The following CTIF variants were observed in gnomAD, a reference collection of about 807,000 sequenced individuals.
The protein encoded by CTIF is cap binding complex dependent translation initiation factor.
Under a neutral mutation model 66.0 loss-of-function variants are expected in CTIF, and 21 were observed. The observed-to-expected ratio is 0.32, with a 90% confidence interval of 0.23 to 0.46. The LOEUF (loss-of-function observed/expected upper bound fraction) is 0.46, where lower values mean the gene tolerates loss of function less well. CTIF is among the 20% of genes least tolerant of loss of function. The probability of loss-of-function intolerance (pLI) is 1.00; values close to 1 mark genes in which losing one functional copy is unlikely to be tolerated. For missense variants in CTIF, 739 were observed against 812.7 expected (o/e 0.91, Z 1.10); for synonymous variants, 345 against 326.4 (o/e 1.06, Z -0.62).
intron 9 of CTIF, among the ~76,000 whole-genome samples, chr18:48,802,522 C>G (rs533447535): frequency 7.2e-5 from 11 of 152,314 alleles, no homozygotes; most frequent in Non-Finnish European, 1.5e-4. Context: ...GATCAGAGAC[C>G]TGGGTTCCAG....
intron 6 of CTIF, among the ~76,000 whole-genome samples, chr18:48,681,930 C>T (rs113179719): frequency 0.046 from 7,071 of 152,164 alleles, 205 homozygotes; most frequent in Non-Finnish European, 0.062. Flanking sequence ...GGATTACAGG[C>T]GCGTGCCACC....
chr18:48,561,529 T>G lies in CTIF; in HGVS notation c.-29+22217T>G, dbSNP rs371965425. 2.6e-5 allele frequency among the ~76,000 whole-genome samples: 4 copies of G among 152,174 alleles called. No individual in the cohort carries two copies. In the East Asian group the frequency reaches 5.8e-4, roughly 22 times the overall value. On this transcript the variant is annotated intron_variant, in intron 1 of 11. Coordinates refer to ENST00000256413, the MANE Select transcript of CTIF (RefSeq NM_014772.3). ...GACCCTTCTCAGAGAAACTCCACTGTGGCAAGACCCTGTGCTGGCTGCTGG... is the reference window on the plus strand; with the variant it reads ...GACCCTTCTCAGAGAAACTCCACTGGGGCAAGACCCTGTGCTGGCTGCTGG...
intron 6 of CTIF, among the ~76,000 whole-genome samples, chr18:48,673,306 C>G (rs1488061628): frequency 6.6e-6 from 1 of 152,080 alleles, no homozygotes; most frequent in Non-Finnish European, 1.5e-5. Flanking sequence ...ACAAGAAAGG[C>G]AGGATTTGTG....
intron 10 of CTIF, among the ~76,000 whole-genome samples, chr18:48,840,660 C>T (rs965186897): frequency 6.6e-6 from 1 of 152,170 alleles, no homozygotes; most frequent in African/African-American, 2.4e-5. Flanking sequence ...GGTGGCTGCT[C>T]CTCTGAGCAC....
intron 2 of CTIF, among the ~76,000 whole-genome samples, chr18:48,634,225 G>A (rs2144601227): frequency 6.6e-6 from 1 of 152,282 alleles, no homozygotes; most frequent in South Asian, 2.1e-4. Flanking sequence ...GAAGTGATGT[G>A]CCCGTCTCGA....
chr18:48,738,219 C>T (rs1161201086), intron 7 of CTIF, among the ~76,000 whole-genome samples: 1 of 152,250 alleles, frequency 6.6e-6, no homozygotes, highest in African/African-American at 2.4e-5. Flanking sequence ...GATCCAGGAT[C>T]TCCACCTCTT....
chr18:48,573,475 G>T (rs1474047114), intron 1 of CTIF, among the ~76,000 whole-genome samples: 1 of 152,222 alleles, frequency 6.6e-6, no homozygotes, highest in East Asian at 1.9e-4. Context: ...CATGTGTAAT[G>T]TTGCACTGAT....
At chr18:48,844,167 A>T (rs1213828927) in intron 10 of CTIF, among the ~76,000 whole-genome samples, 1 of 152,220 alleles carries the variant, frequency 6.6e-6, no homozygotes, top group Admixed American at 6.5e-5. Context: ...GGGGGCAGTG[A>T]GCACAGAAGA....
At chr18:48,659,610 T>A (rs1167184199) in intron 3 of CTIF, among the ~76,000 whole-genome samples, 1 of 152,182 alleles carries the variant, frequency 6.6e-6, no homozygotes, top group Admixed American at 6.5e-5. Flanking sequence ...AGAGTTGCAG[T>A]CATCACGGGG....
chr18:48,720,841 A>T (rs1476323900), intron 7 of CTIF, among the ~76,000 whole-genome samples: 1 of 152,172 alleles, frequency 6.6e-6, no homozygotes, highest in Non-Finnish European at 1.5e-5. Flanking sequence ...AGCTGCAGAG[A>T]GTGGCCCTGT....
chr18:48,662,439 G>A (rs955196950), intron 3 of CTIF: 14 of 152,096 alleles, frequency 9.2e-5, no homozygotes, highest in African/African-American at 3.4e-4. Context: ...GGAAGGCTGA[G>A]GGACTTGCCC....
In CTIF at chr18:48,665,246, G is replaced by A. The variant is rs962924521; in HGVS notation, c.431+695G>A. Among the ~76,000 whole-genome samples, 3 of 152,304 alleles carry A rather than the reference G, an allele frequency of 2.0e-5. No individual in the cohort carries two copies. In the South Asian group the frequency reaches 6.2e-4, roughly 32 times the overall value. On this transcript the variant is annotated intron_variant, in intron 5 of 11. Transcript: ENST00000256413. ...GTGTGTTTCTAACAAGTTCCCCAGC[G>A]GGTGCTGATGCTGGTCCAGGGACCA...
At chr18:48,623,598 A>C (rs1197762379) in intron 2 of CTIF, among the ~76,000 whole-genome samples, 1 of 150,466 alleles carries the variant, frequency 6.6e-6, no homozygotes, top group Non-Finnish European at 1.5e-5. Context: ...AAAAAAAAAC[A>C]GCAAACACTC....
At chr18:48,679,017 G>T (rs1321128209) in intron 6 of CTIF, among the ~76,000 whole-genome samples, 1 of 152,214 alleles carries the variant, frequency 6.6e-6, no homozygotes, top group Non-Finnish European at 1.5e-5. Flanking sequence ...GGACCCTATC[G>T]CCGGCAAAGC....
intron 3 of CTIF, among the ~76,000 whole-genome samples, chr18:48,655,635 G>T (rs956101836): frequency 5.9e-5 from 9 of 152,190 alleles, no homozygotes; most frequent in Non-Finnish European, 1.0e-4. Flanking sequence ...CAGCCCAGCT[G>T]CTCAGTGACT....
At chr18:48,811,740 C>A (rs2068262369) in intron 9 of CTIF, among the ~76,000 whole-genome samples, 1 of 152,134 alleles carries the variant, frequency 6.6e-6, no homozygotes, top group African/African-American at 2.4e-5. Context: ...GTCAGAATTT[C>A]TTTCTGTTTT....
At chr18:48,550,128 G>A (rs1288806013) in intron 1 of CTIF, among the ~76,000 whole-genome samples, 2 of 152,198 alleles carry the variant, frequency 1.3e-5, no homozygotes, top group African/African-American at 4.8e-5. Flanking sequence ...TTCCATGGAT[G>A]CCTTTTTTGT....
intron 6 of CTIF, among the ~76,000 whole-genome samples, chr18:48,710,124 A>C (rs1346062302): frequency 6.6e-6 from 1 of 152,228 alleles, no homozygotes; most frequent in Non-Finnish European, 1.5e-5. Context: ...CGTGAAGGCA[A>C]AACAGTGGGA....
chr18:48,754,428 G>A (rs1266112699), intron 7 of CTIF, among the ~76,000 whole-genome samples: 1 of 152,172 alleles, frequency 6.6e-6, no homozygotes, highest in Non-Finnish European at 1.5e-5. Context: ...TGCACACAGA[G>A]GCCAGTCCCA....
Sources: gnomAD v4.1 joint callset for allele counts (sites outside exome capture counted in the v4.1 genomes callset) on GRCh38, gnomAD v4.1.1 for gene constraint, MANE v1.5 for transcripts, NCBI Gene and HGNC (gene_info 2026-07-23, HGNC 2026-07-21) for gene names.